PEX14: variants seen among roughly 807,000 people sequenced by gnomAD.
PEX14 encodes peroxisomal membrane protein PEX14.
In PEX14, 15 loss-of-function variants were observed where a neutral mutation model predicts 49.5. The ratio of observed to expected loss-of-function variants is 0.30; its 90% CI spans 0.20 to 0.47. The LOEUF (loss-of-function observed/expected upper bound fraction) is 0.47. Among genes scored for constraint, PEX14 ranks in the 20% least tolerant of loss-of-function variants. The pLI is 1.00. For missense variants in PEX14, 398 were observed against 494.8 expected, an observed-to-expected ratio of 0.80 and a Z score of 1.86; for synonymous variants, 210 against 212.7, an observed-to-expected ratio of 0.99 and a Z score of 0.11.
At chr1:10,486,639 C>G (rs1641373243) in intron 1 of PEX14, among the ~76,000 whole-genome samples, 1 of 151,640 alleles carries the variant, frequency 6.6e-6, no homozygotes. Flanking sequence ...CTATGTCACA[C>G]CACTGCACTA....
chr1:10,502,800 T>C (rs1231748882), intron 2 of PEX14, among the ~76,000 whole-genome samples: 3 of 147,946 alleles, frequency 2.0e-5, no homozygotes, highest in Non-Finnish European at 3.0e-5. Flanking sequence ...CTTTTTCTTT[T>C]TTTTTTTTTT....
chr1:10,619,245 C>A (rs1329940349), intron 5 of PEX14, among the ~76,000 whole-genome samples: 1 of 151,840 alleles, frequency 6.6e-6, no homozygotes, highest in African/African-American at 2.4e-5. Context: ...GTGCCCAGTC[C>A]AGATCTTGGG....
intron 3 of PEX14, among the ~76,000 whole-genome samples, chr1:10,564,465 C>G (rs1237692340): frequency 6.7e-6 from 1 of 149,922 alleles, no homozygotes; most frequent in Non-Finnish European, 1.5e-5. Context: ...ATTTCACTGT[C>G]TCACTCTCTT....
chr1:10,625,606 G>C (rs945756385), intron 7 of PEX14, among the ~76,000 whole-genome samples: 2 of 152,170 alleles, frequency 1.3e-5, no homozygotes, highest in Non-Finnish European at 2.9e-5. Context: ...GTGGGTACTG[G>C]TGACCACCTC....
intron 1 of PEX14, among the ~76,000 whole-genome samples, chr1:10,490,511 C>A (rs115348579): frequency 6.6e-6 from 1 of 152,120 alleles, no homozygotes; most frequent in African/African-American, 2.4e-5. Flanking sequence ...TTTGTCTCTA[C>A]CAAAAGAAAA....
intron 3 of PEX14, among the ~76,000 whole-genome samples, chr1:10,591,252 T>TA (rs1266042755): frequency 4.6e-5 from 7 of 151,862 alleles, no homozygotes; most frequent in East Asian, 1.9e-4. Flanking sequence ...AAAAACACAT[T>TA]AAAAAAAAGC....
chr1:10,528,967 T>G (rs1570214406), intron 2 of PEX14, among the ~76,000 whole-genome samples: 1 of 152,342 alleles, frequency 6.6e-6, no homozygotes, highest in East Asian at 1.9e-4. Flanking sequence ...GTTTCTTCTC[T>G]AAACAGGACT....
intron 3 of PEX14, among the ~76,000 whole-genome samples, chr1:10,552,296 G>A (rs1639358128): frequency 6.6e-6 from 1 of 152,082 alleles, no homozygotes; most frequent in African/African-American, 2.4e-5. Flanking sequence ...ACAAAAATTA[G>A]CTGGGCATGG....
intron 3 of PEX14, among the ~76,000 whole-genome samples, chr1:10,537,456 A>G (rs891508591): frequency 6.7e-6 from 1 of 149,980 alleles, no homozygotes; most frequent in Admixed American, 6.8e-5. Context: ...ATGTGTACCT[A>G]TGGGGAGTAA....
At chr1:10,520,148 C>CTTTTTTTTTTTTTTTTTTTTTTTTTTTTT (rs565247030) in intron 2 of PEX14, among the ~76,000 whole-genome samples, 3 of 69,182 alleles carry the variant, frequency 4.3e-5, no homozygotes, top group Non-Finnish European at 1.0e-4. Flanking sequence ...CCTTCTTCTT[C>CTTTTTTTTTTTTTTTTTTTTTTTTTTTTT]TTTTTTTTTT....
chr1:10,541,750 C>G (rs555289243), intron 3 of PEX14, among the ~76,000 whole-genome samples: 3 of 152,340 alleles, frequency 2.0e-5, no homozygotes, highest in East Asian at 3.9e-4. Flanking sequence ...GCCTTGAACT[C>G]CACAGATTTT....
Position 10,588,359 on chromosome 1 carries a change from A to T in PEX14, c.170-10879A>T, listed in dbSNP as rs12084768. ...GCCCAGCTACATGTATGCTTTTTATATAAGAAGCTTTAGCAATAGTTGCCC... is the reference window on the plus strand; with the variant it reads ...GCCCAGCTACATGTATGCTTTTTATTTAAGAAGCTTTAGCAATAGTTGCCC... On this transcript the variant is annotated intron_variant, in intron 3 of 8. Coordinates refer to ENST00000356607, the MANE Select transcript of PEX14 (RefSeq NM_004565.3). Among the ~76,000 whole-genome samples, 893 of 152,216 alleles carry T rather than the reference A, an allele frequency of 5.9e-3. 10 individuals carry two copies. The highest frequency in any genetic ancestry group is 0.02 in the African/African-American group (830 of 41,528).
At position 10,584,288 on chromosome 1, in the gene PEX14, T is replaced by C. The variant is rs532526775; in HGVS notation, c.170-14950T>C. Among the ~76,000 whole-genome samples the C allele has an allele frequency of 6.6e-4, 101 of 152,294 alleles. 1 individual carries two copies. The highest frequency in any genetic ancestry group is 1.2e-3 in the Non-Finnish European group (83 of 68,014). ...GTGGGGCAAGATTAGGAGTTCAGTG[T>C]TAGACGTATTAAGTTTGAGATATCA... On this transcript the variant is annotated intron_variant, in intron 3 of 8. Transcript: ENST00000356607.
chr1:10,478,857 T>G (rs530685857), intron 1 of PEX14, among the ~76,000 whole-genome samples: 19 of 151,972 alleles, frequency 1.3e-4, no homozygotes, highest in Admixed American at 7.9e-4. Context: ...ACCATTCTCC[T>G]GCCTCAGCCT....
chr1:10,589,130 G>A (rs1221918276), intron 3 of PEX14, among the ~76,000 whole-genome samples: 6 of 152,152 alleles, frequency 3.9e-5, no homozygotes, highest in Non-Finnish European at 5.9e-5. Flanking sequence ...TTAGAAAGAT[G>A]TTCTCTCAGT....
intron 1 of PEX14, among the ~76,000 whole-genome samples, chr1:10,480,570 A>G (rs544133865): frequency 6.6e-6 from 1 of 151,366 alleles, no homozygotes; most frequent in African/African-American, 2.4e-5. Flanking sequence ...ATTTTTTTGT[A>G]TTTTTAGTAG....
chr1:10,528,394 C>A, intron 2 of PEX14: 1 of 512,062 alleles, frequency 2.0e-6, no homozygotes, highest in Non-Finnish European at 2.5e-6. Flanking sequence ...GCATGAAATT[C>A]AACCAGTGGT....
In PEX14 at chr1:10,623,099, G is replaced by A. The variant is rs371111233; in HGVS notation, c.465G>A (p.Leu155=). 14 of 1,613,376 alleles carry A rather than the reference G, an allele frequency of 8.7e-6. No homozygotes were observed. The highest frequency in any genetic ancestry group is 1.6e-4 in the Middle Eastern group (1 of 6,082). The change falls in exon 6 of 9, where the codon CTG becomes CTA. Residue 155 remains leucine, a synonymous_variant. Coordinates refer to ENST00000356607, the MANE Select transcript of PEX14 (RefSeq NM_004565.3). This position sits in a 1 kb window ranked among gnomAD's most constrained non-coding sequence, Gnocchi z 4.4. ...GGATGGAGGCCGGTCTCTCTGAGCT[G>A]AGTGGCAGCGTGGCCCAGACAGGTA... ...LERMEAGLSE[L]SGSVAQTVTQ... is the part of the protein sequence containing the mutation.
At chr1:10,585,197 G>A (rs1640444827) in intron 3 of PEX14, among the ~76,000 whole-genome samples, 1 of 152,094 alleles carries the variant, frequency 6.6e-6, no homozygotes, top group Non-Finnish European at 1.5e-5. Flanking sequence ...ATGAGATGAA[G>A]GTTTCAAGAG....
Sources: allele counts gnomAD v4.1 joint callset (sites outside exome capture counted in the v4.1 genomes callset), GRCh38; gene constraint gnomAD v4.1.1; non-coding constraint Gnocchi (gnomAD v3.1); transcripts MANE v1.5; gene names NCBI Gene and HGNC (gene_info 2026-07-23, HGNC 2026-07-21).